SCGB1A1: variants seen among roughly 807,000 people sequenced by gnomAD.
The protein encoded by SCGB1A1 is secretoglobin family 1A member 1.
In SCGB1A1, 8 loss-of-function variants were observed where a neutral mutation model predicts 7.5. The observed-to-expected ratio is 1.07, with a 90% confidence interval of 0.63 to 1.92. The LOEUF is 1.92. SCGB1A1 is among the 30% of genes most tolerant of loss of function. The probability of loss-of-function intolerance (pLI) is 0.00; values close to 1 mark genes in which losing one functional copy is unlikely to be tolerated. For missense variants in SCGB1A1, 121 were observed against 112.7 expected (o/e 1.07, Z -0.33); for synonymous variants, 44 against 40.8 (o/e 1.08, Z -0.30).
chr11:62,419,213 T>C, intron 1 of SCGB1A1, 63 bp downstream of exon 1: 1 of 1,276,368 alleles, frequency 7.8e-7, no homozygotes, highest in East Asian at 2.8e-5. Context: ...CCCCCAGTTC[T>C]GCTCAGAAGA....
At position 62,423,133 on chromosome 11, in the gene SCGB1A1, G is replaced by T. The variant is rs778672742; in HGVS notation, c.*42G>T. ...ATCCCCAACTGCTCCAGCCTCTGCC[G>T]CTGCCATGCTTTGAGTCCACGCCCA... is the stretch of plus-strand genomic sequence containing the variant. On this transcript the variant is annotated 3_prime_UTR_variant, in exon 3 of 3. Coordinates refer to ENST00000278282, the MANE Select transcript of SCGB1A1 (RefSeq NM_003357.5). The T allele has an allele frequency of 1.2e-6, 2 of 1,601,504 alleles. No individual in the cohort carries two copies. Among genetic ancestry groups the T allele is most frequent in the Non-Finnish European group, 1.7e-6 (2 of 1,168,932 alleles).
At position 62,422,357 on chromosome 11, in the gene SCGB1A1, G is replaced by A. The variant is rs1473063568; in HGVS notation, c.192G>A (p.Lys64=). ...GGGAGGCAGGGGCTCAGCTGAAGAAGCTGGTGGACACCCTCCCCCAAAAGC... is the reference window on the plus strand; with the variant it reads ...GGGAGGCAGGGGCTCAGCTGAAGAAACTGGTGGACACCCTCCCCCAAAAGC... ...DMREAGAQLK[K]LVDTLPQKPR... is the part of the protein sequence containing the mutation. The change falls in exon 2 of 3, where the codon AAG becomes AAA. Residue 64 remains lysine, a synonymous_variant. Coordinates refer to ENST00000278282, the MANE Select transcript of SCGB1A1 (RefSeq NM_003357.5). 6.2e-7 allele frequency: 1 copy of A among 1,613,970 alleles called. No homozygotes were observed. The highest frequency in any genetic ancestry group is 8.5e-7 in the Non-Finnish European group (1 of 1,179,968).
rs770016016 is a variant in SCGB1A1, at chr11:62,422,331, A to AG, written c.169dup (p.Glu57GlyfsTer23). On this transcript the variant is annotated frameshift_variant, in exon 2 of 3. Coordinates refer to ENST00000278282, the MANE Select transcript of SCGB1A1 (RefSeq NM_003357.5). LOFTEE classifies it high-confidence loss of function. ...ACTTTTCAGCCCTGATCAAGACATGAGGGAGGCAGGGGCTCAGCTGAAGAA... is the reference window on the plus strand; with the variant it reads ...ACTTTTCAGCCCTGATCAAGACATGAGGGGAGGCAGGGGCTCAGCTGAAGAA... 4 of 1,614,020 alleles carry AG rather than the reference A, an allele frequency of 2.5e-6. No homozygotes were observed. In the African/African-American group the frequency reaches 5.3e-5, roughly 22 times the overall value.
At chr11:62,419,558 G>T (rs747819257) in intron 1 of SCGB1A1, among the ~76,000 whole-genome samples, 1 of 152,202 alleles carries the variant, frequency 6.6e-6, no homozygotes, top group Non-Finnish European at 1.5e-5. Context: ...CATGCTGGCA[G>T]CTGAAGTCAC....
At chr11:62,422,446 GCTTCCC>G (rs1336511173) in intron 2 of SCGB1A1, 38 bp downstream of exon 2, 2 of 1,556,892 alleles carry the variant, frequency 1.3e-6, no homozygotes, top group East Asian at 4.5e-5. Flanking sequence ...GTTAGAAGTG[GCTTCCC>G]CAAGTGGGGC....
chr11:62,423,149 TC>T lies in SCGB1A1; in HGVS notation c.*60del. The T allele has an allele frequency of 6.5e-7, 1 of 1,548,042 alleles. No individual in the cohort carries two copies. Among genetic ancestry groups the T allele is most frequent in the Non-Finnish European group, 8.9e-7 (1 of 1,120,206 alleles). On this transcript the variant is annotated 3_prime_UTR_variant, in exon 3 of 3. Transcript: ENST00000278282. ...GCCTCTGCCGCTGCCATGCTTTGAG[TC>T]CACGCCCACCAGCCTTGCTCTCTTC...
At chr11:62,419,484 A>G (rs144011838) in intron 1 of SCGB1A1, among the ~76,000 whole-genome samples, 1 of 152,334 alleles carries the variant, frequency 6.6e-6, no homozygotes, top group East Asian at 1.9e-4. Context: ...CCCTCATCCC[A>G]GATCTGGACA....
intron 1 of SCGB1A1, among the ~76,000 whole-genome samples, chr11:62,421,603 C>T (rs974560943): frequency 1.3e-5 from 2 of 152,058 alleles, no homozygotes; most frequent in African/African-American, 4.8e-5. Flanking sequence ...CTTCTGCTTC[C>T]TGGATTCAAG....
chr11:62,420,700 C>T (rs1204801714), intron 1 of SCGB1A1, among the ~76,000 whole-genome samples: 2 of 150,902 alleles, frequency 1.3e-5, no homozygotes, highest in Non-Finnish European at 3.0e-5. Flanking sequence ...TTTGGGAGGC[C>T]GAGGTGGGTA....
At chr11:62,419,270 G>A (rs2134741385) in intron 1 of SCGB1A1, 120 bp downstream of exon 1, 1 of 770,642 alleles carries the variant, frequency 1.3e-6, no homozygotes, top group East Asian at 3.3e-5. Flanking sequence ...GGAGGACCTG[G>A]GCATGCTGAG....
At chr11:62,422,794 G>A (rs1208310483) in intron 2 of SCGB1A1, among the ~76,000 whole-genome samples, 6 of 151,954 alleles carry the variant, frequency 3.9e-5, no homozygotes, top group African/African-American at 9.7e-5. Flanking sequence ...GGCTGGTCTC[G>A]AACTCCTGAC....
intron 1 of SCGB1A1, 45 bp downstream of exon 1, chr11:62,419,195 C>G: frequency 3.6e-6 from 5 of 1,379,540 alleles, no homozygotes; most frequent in Non-Finnish European, 4.8e-6. Flanking sequence ...CTTAGGAACT[C>G]TCAGGACCCC....
chr11:62,421,413 A>C (rs1008313105), intron 1 of SCGB1A1, among the ~76,000 whole-genome samples: 1 of 152,010 alleles, frequency 6.6e-6, no homozygotes, highest in Non-Finnish European at 1.5e-5. Flanking sequence ...CTTCCCGGCC[A>C]GGTTCGGGGG....
intron 1 of SCGB1A1, among the ~76,000 whole-genome samples, chr11:62,421,030 A>T (rs1405831429): frequency 6.6e-6 from 1 of 152,200 alleles, no homozygotes; most frequent in African/African-American, 2.4e-5. Context: ...CATTTTACAG[A>T]TGAGAAAACT....
At chr11:62,420,314 CTTT>C (rs535582329) in intron 1 of SCGB1A1, among the ~76,000 whole-genome samples, 6 of 129,462 alleles carry the variant, frequency 4.6e-5, no homozygotes, top group Admixed American at 7.7e-5. Context: ...TCTTTTCATT[CTTT>C]TTTTTTTTTT....
chr11:62,422,934 C>A, intron 2 of SCGB1A1, 125 bp from the exon 3 acceptor site: 1 of 854,860 alleles, frequency 1.2e-6, no homozygotes, highest in Non-Finnish European at 2.0e-6. Flanking sequence ...TACCTTAGTT[C>A]CTCCTAGAGT....
At chr11:62,419,762 C>T (rs1937733642) in intron 1 of SCGB1A1, among the ~76,000 whole-genome samples, 1 of 151,710 alleles carries the variant, frequency 6.6e-6, no homozygotes, top group Admixed American at 6.6e-5. Context: ...GCTGCTGTCA[C>T]TAAAAGGAAA....
intron 1 of SCGB1A1, among the ~76,000 whole-genome samples, chr11:62,420,404 C>T (rs551237298): frequency 6.6e-6 from 1 of 150,714 alleles, no homozygotes; most frequent in East Asian, 2.0e-4. Flanking sequence ...ACCTCCGCCT[C>T]CCGGGTTCAA....
chr11:62,423,156 C>A lies in SCGB1A1; in HGVS notation c.*65C>A. ...CCGCTGCCATGCTTTGAGTCCACGCCCACCAGCCTTGCTCTCTTCAATAAA... is the reference window on the plus strand; with the variant it reads ...CCGCTGCCATGCTTTGAGTCCACGCACACCAGCCTTGCTCTCTTCAATAAA... On this transcript the variant is annotated 3_prime_UTR_variant, in exon 3 of 3. Coordinates refer to ENST00000278282, the MANE Select transcript of SCGB1A1 (RefSeq NM_003357.5). 1 of 1,517,260 alleles carries A rather than the reference C, an allele frequency of 6.6e-7. No homozygotes were observed. The allele number at this position is 1,517,260 out of a possible 1,614,324, so 94.0% of individuals were successfully genotyped here. A position where few individuals can be genotyped will look rare whatever the true frequency, so the allele number is the denominator to read the frequency against.
Sources: allele counts gnomAD v4.1 joint callset (sites outside exome capture counted in the v4.1 genomes callset), GRCh38; gene constraint gnomAD v4.1.1; transcripts MANE v1.5; gene names NCBI Gene and HGNC (gene_info 2026-07-23, HGNC 2026-07-21).